Variants in COL4A4 observed in about 807,000 individuals in gnomAD.
The protein encoded by COL4A4 is collagen type IV alpha 4 chain.
Under a neutral mutation model 192.9 loss-of-function variants are expected in COL4A4, and 105 were observed. The ratio of observed to expected loss-of-function variants is 0.54; its 90% confidence interval spans 0.46 to 0.64. The LOEUF is 0.64. Among genes scored for constraint, COL4A4 ranks in the 30% least tolerant of loss-of-function variants. The probability of loss-of-function intolerance (pLI) is 0.00; values close to 1 mark genes in which losing one functional copy is unlikely to be tolerated. For synonymous variants in COL4A4, 762 were observed against 769.9 expected, an observed-to-expected ratio of 0.99 and a Z score of 0.17; for missense variants, 1,967 against 2,169.3, an observed-to-expected ratio of 0.91 and a Z score of 1.85.
chr2:227,105,551 T>C (rs567077688), intron 12 of COL4A4, among the ~76,000 whole-genome samples: 5 of 152,240 alleles, frequency 3.3e-5, no homozygotes, highest in Non-Finnish European at 7.3e-5. Flanking sequence ...ATTTTAAAAC[T>C]GTAAAATAAT....
chr2:227,056,537 C>T (rs1008896052), intron 29 of COL4A4, among the ~76,000 whole-genome samples: 3 of 152,086 alleles, frequency 2.0e-5, no homozygotes, highest in African/African-American at 7.2e-5. Flanking sequence ...AGTTTTGCCT[C>T]AATCTGGTTT....
intron 43 of COL4A4, among the ~76,000 whole-genome samples, chr2:227,024,111 C>T (rs1966564280): frequency 6.6e-6 from 1 of 152,192 alleles, no homozygotes; most frequent in Non-Finnish European, 1.5e-5. Flanking sequence ...GGATTGCAAT[C>T]CAGGGCATTC....
downstream of COL4A4, chr2:226,998,832 G>A (rs1960194980): frequency 6.6e-6 from 1 of 152,192 alleles, no homozygotes; most frequent in Non-Finnish European, 1.5e-5. Context: ...GCTTCAACCA[G>A]CCTTTGGACC....
rs190050229 is a variant in COL4A4, at chr2:227,082,741, G to A, written c.1624-554C>T. ...AGGCATGGAAGTGACGTCCTGCTAA[G>A]GAAAGTTGATGAGCAGGAGAAGAGG... On this transcript the variant is annotated intron_variant, in intron 22 of 47. Coordinates refer to ENST00000396625, the MANE Select transcript of COL4A4 (RefSeq NM_000092.5). Among the ~76,000 whole-genome samples the A allele has an allele frequency of 3.1e-3, 466 of 152,294 alleles. 6 individuals are homozygous for A. The highest frequency in any genetic ancestry group is 0.011 in the African/African-American group (451 of 41,568).
At chr2:226,988,471 C>T in the COL4A4 span, 9 of 1,546,812 alleles carry the variant, frequency 5.8e-6, no homozygotes, top group Admixed American at 9.9e-5. Flanking sequence ...GCTGCAGGGT[C>T]CCTGTAGTGG....
intron 20 of COL4A4, among the ~76,000 whole-genome samples, chr2:227,090,366 T>G (rs1001346784): frequency 6.6e-6 from 1 of 152,078 alleles, no homozygotes; most frequent in African/African-American, 2.4e-5. Flanking sequence ...GAAATAAAAT[T>G]TCAGAGATGT....
chr2:227,164,311 C>T (rs1242835614), upstream of COL4A4: 1 of 304,410 alleles, frequency 3.3e-6, no homozygotes, highest in Non-Finnish European at 6.2e-6. The surrounding 1 kb of genome is among the most constrained non-coding windows in gnomAD (Gnocchi z 4.8). Context: ...CCACCGCACA[C>T]CCCCAAACGC....
the COL4A4 span, among the ~76,000 whole-genome samples, chr2:226,974,873 G>A: frequency 2.0e-5 from 3 of 152,272 alleles, no homozygotes; most frequent in Admixed American, 2.0e-4. Context: ...GCGTGGCTCA[G>A]GGACATCCTG....
chr2:227,100,808 CT>C (rs113276669), intron 17 of COL4A4, among the ~76,000 whole-genome samples: 23,388 of 142,014 alleles, frequency 0.16, 2,461 homozygotes, highest in African/African-American at 0.31. Context: ...CTGCGCTATT[CT>C]TTTTTTTTTT....
rs1559444690 is a variant in COL4A4, at chr2:227,027,954, T to A, written c.4029A>T (p.Gly1343=). 1.2e-6 allele frequency: 2 copies of A among 1,613,722 alleles called. No individual in the cohort carries two copies. The highest frequency in any genetic ancestry group is 1.7e-5 in the Admixed American group (1 of 59,966). Residue 1343 remains glycine (G), a synonymous_variant, in exon 42 of 48, where the codon GGA becomes GGT. Transcript: ENST00000396625. ...QGPHGFPGPP[G]EKGLPGPPGR... is the part of the protein sequence containing the mutation. ...CTGGAGGTCCAGGTAAACCCTTCTC[T>A]CCAGGTGGCCCAGGAAATCCATGTG...
intron 20 of COL4A4, among the ~76,000 whole-genome samples, chr2:227,090,566 T>C (rs551135075): frequency 2.6e-5 from 4 of 151,854 alleles, no homozygotes; most frequent in Admixed American, 1.3e-4. Context: ...CTGGCCAACA[T>C]GGTAAAACCC....
At chr2:227,047,321 A>G (rs1202884518) in intron 35 of COL4A4, among the ~76,000 whole-genome samples, 154 bp downstream of exon 35, 1 of 150,902 alleles carries the variant, frequency 6.6e-6, no homozygotes, top group Non-Finnish European at 1.5e-5. Flanking sequence ...AAGAAATGCT[A>G]TGGAAGTGTT....
intron 4 of COL4A4, among the ~76,000 whole-genome samples, chr2:227,139,123 A>G (rs2063023076): frequency 2.6e-5 from 4 of 152,182 alleles, no homozygotes; most frequent in Admixed American, 2.6e-4. Flanking sequence ...TCTCCACCAT[A>G]TGAGGATACA....
At chr2:227,096,625 C>A (rs1454479563) in intron 19 of COL4A4, among the ~76,000 whole-genome samples, 2 of 152,146 alleles carry the variant, frequency 1.3e-5, no homozygotes, top group Non-Finnish European at 2.9e-5. Context: ...AGACTGCAGT[C>A]TAAAGGCTGT....
At chr2:226,988,042 C>G in the COL4A4 span, among the ~76,000 whole-genome samples, 17 of 152,174 alleles carry the variant, frequency 1.1e-4, 1 homozygote, top group Non-Finnish European at 7.3e-5. Context: ...CCACCATTCT[C>G]TTAGGATGAA....
Position 227,123,250 on chromosome 2 carries a change from T to A in COL4A4, c.193-2102A>T, listed in dbSNP as rs867822336. Among the ~76,000 whole-genome samples the A allele has an allele frequency of 1.2e-4, 18 of 152,268 alleles. No individual in the cohort carries two copies. The highest frequency in any genetic ancestry group is 4.3e-4 in the African/African-American group (18 of 41,548). On this transcript the variant is annotated intron_variant, in intron 4 of 47. Coordinates refer to ENST00000396625, the MANE Select transcript of COL4A4 (RefSeq NM_000092.5). The surrounding 1 kb of genome is among the most constrained non-coding windows in gnomAD (Gnocchi z 4.6). ...TGGGGCAGGAGCCCCGTAAAAATAG[T>A]GCAAGAACATTCACCACAGTGTTAT... is the stretch of plus-strand genomic sequence containing the variant.
the COL4A4 span, among the ~76,000 whole-genome samples, chr2:226,977,701 C>A: frequency 6.6e-6 from 1 of 152,136 alleles, no homozygotes; most frequent in Non-Finnish European, 1.5e-5. Context: ...TAAAGAGCAG[C>A]CCCTATATCA....
At chr2:226,980,577 C>G in the COL4A4 span, among the ~76,000 whole-genome samples, 3 of 152,178 alleles carry the variant, frequency 2.0e-5, no homozygotes, top group African/African-American at 7.2e-5. Flanking sequence ...TGATGTCATC[C>G]TGGATGCATC....
At chr2:227,118,824 C>A in intron 6 of COL4A4, 63 bp from the exon 7 acceptor site, 2 of 990,110 alleles carry the variant, frequency 2.0e-6, no homozygotes, top group Non-Finnish European at 3.2e-6. Context: ...AAAGGTTATG[C>A]AATATGAATA....
Sources: allele counts gnomAD v4.1 joint callset (sites outside exome capture counted in the v4.1 genomes callset), GRCh38; gene constraint gnomAD v4.1.1; non-coding constraint Gnocchi (gnomAD v3.1); transcripts MANE v1.5; gene names NCBI Gene and HGNC (gene_info 2026-07-23, HGNC 2026-07-21).